The following PRH1 variants were observed in gnomAD, a reference collection of about 807,000 sequenced individuals.
The protein encoded by PRH1 is salivary acidic proline-rich phosphoprotein 1/2.
PRH1 carries 7 observed loss-of-function variants against 7.9 expected under a neutral mutation model. The ratio of observed to expected loss-of-function variants is 0.89; its 90% CI spans 0.50 to 1.67. The LOEUF is 1.67. Among genes scored for constraint, PRH1 ranks in the 40% most tolerant of loss-of-function variants. The pLI is 0.00. For synonymous variants in PRH1, 45 were observed against 80.8 expected (o/e 0.56, Z 2.38); for missense variants, 109 against 223.6 (o/e 0.49, Z 3.27).
chr12:11,135,027 C>T (rs577979566), intron 1 of PRH1, among the ~76,000 whole-genome samples: 1 of 152,224 alleles, frequency 6.6e-6, no homozygotes, highest in East Asian at 1.9e-4. Flanking sequence ...TATTTTCCCA[C>T]TCAAGGTTTT....
At chr12:11,140,355 T>C (rs917427162) in intron 1 of PRH1, among the ~76,000 whole-genome samples, 5 of 152,138 alleles carry the variant, frequency 3.3e-5, no homozygotes, top group African/African-American at 9.7e-5. Context: ...ATATCATTGC[T>C]GTTATTGAAA....
intron 2 of PRH1, among the ~76,000 whole-genome samples, chr12:10,910,280 G>T (rs185330612): frequency 1.3e-5 from 2 of 152,068 alleles, no homozygotes; most frequent in South Asian, 2.1e-4. Flanking sequence ...CACAGTAAAA[G>T]ATTACAAAAA....
intron 1 of PRH1, among the ~76,000 whole-genome samples, chr12:11,073,833 GA>G: frequency 6.6e-6 from 1 of 152,284 alleles, no homozygotes. Flanking sequence ...TAGGAGAGGA[GA>G]AAGCAAACCC....
At chr12:10,996,927 C>A in intron 1 of PRH1, 1 of 1,566,338 alleles carries the variant, frequency 6.4e-7, no homozygotes, top group Non-Finnish European at 8.7e-7. Context: ...AGAAAACACA[C>A]AATGCACCTC....
chr12:10,962,913 G>C (rs1317375461), intron 2 of PRH1, among the ~76,000 whole-genome samples: 1 of 152,154 alleles, frequency 6.6e-6, no homozygotes, highest in Non-Finnish European at 1.5e-5. Context: ...GGGACTACAG[G>C]CTCCCGCCAC....
intron 1 of PRH1, chr12:11,021,518 C>G: frequency 1.9e-6 from 1 of 514,218 alleles, no homozygotes; most frequent in Non-Finnish European, 3.3e-6. Context: ...TATGACTTTT[C>G]TAGGTATCTG....
At chr12:11,101,856 C>CA (rs1440581904) in intron 1 of PRH1, among the ~76,000 whole-genome samples, 4 of 152,222 alleles carry the variant, frequency 2.6e-5, no homozygotes, top group Non-Finnish European at 4.4e-5. Flanking sequence ...TCTCAGGATA[C>CA]AAAATCAATG....
chr12:11,007,096 G>A (rs1339567278), intron 1 of PRH1, among the ~76,000 whole-genome samples: 1 of 152,060 alleles, frequency 6.6e-6, no homozygotes, highest in Non-Finnish European at 1.5e-5. Flanking sequence ...TGTCTAAACT[G>A]TTAAAAGAGC....
intron 1 of PRH1, among the ~76,000 whole-genome samples, chr12:11,024,006 G>T (rs1941788099): frequency 6.6e-6 from 1 of 152,186 alleles, no homozygotes; most frequent in Non-Finnish European, 1.5e-5. Flanking sequence ...TCCAAGTTTT[G>T]TCATATGAAG....
chr12:10,929,845 T>C (rs1950177867), intron 2 of PRH1, among the ~76,000 whole-genome samples: 1 of 152,230 alleles, frequency 6.6e-6, no homozygotes, highest in African/African-American at 2.4e-5. Flanking sequence ...CTGCATGTAG[T>C]ATTTTAATGT....
intron 2 of PRH1, among the ~76,000 whole-genome samples, chr12:10,952,861 G>A (rs115825577): frequency 0.02 from 3,018 of 152,176 alleles, 34 homozygotes; most frequent in South Asian, 0.033. Flanking sequence ...ACAAGCTTGC[G>A]TTACACTGTC....
chr12:11,065,322 T>C (rs1200147884), intron 1 of PRH1, among the ~76,000 whole-genome samples: 2 of 152,122 alleles, frequency 1.3e-5, no homozygotes, highest in African/African-American at 2.4e-5. Context: ...TGTCTGAAGT[T>C]TGATGGTTTC....
chr12:11,053,208 TCA>T (rs1283955147), intron 1 of PRH1, among the ~76,000 whole-genome samples: 2,942 of 124,154 alleles, frequency 0.024, no homozygotes, highest in East Asian at 0.063. Flanking sequence ...CACAGATACA[TCA>T]TTGTATTCCA....
At chr12:10,882,092 C>G in intron 3 of PRH1, 125 bp downstream of exon 3, 1 of 1,520,772 alleles carries the variant, frequency 6.6e-7, no homozygotes, top group South Asian at 1.3e-5. Flanking sequence ...ATCTGAATAA[C>G]AATTTTTAGA....
intron 1 of PRH1, among the ~76,000 whole-genome samples, chr12:11,144,089 C>A (rs1946795338): frequency 6.6e-6 from 1 of 152,132 alleles, no homozygotes. Context: ...GTGGTGCTTT[C>A]CAGAAAGCAT....
chr12:11,171,407 C>G lies in PRH1; in HGVS notation n.39+15G>C. On this transcript the variant is annotated intron_variant and non_coding_transcript_variant, in intron 1 of 1. Transcript: ENST00000541175. ...CCTTGGCCGTCAGGGCCTCAAGCCCCGCCGCGACACCCACCTCGTACGGCG... is the reference window on the plus strand; with the variant it reads ...CCTTGGCCGTCAGGGCCTCAAGCCCGGCCGCGACACCCACCTCGTACGGCG... The G allele has an allele frequency of 3.2e-6, 4 of 1,232,052 alleles. No individual in the cohort carries two copies. The South Asian group carries it at 1.2e-4, about 38-fold the overall frequency. 76.3% of individuals were successfully genotyped at this position (1,232,052 alleles called of 1,614,324 possible). A position where few individuals can be genotyped will look rare whatever the true frequency, so the allele number is the denominator to read the frequency against.
intron 1 of PRH1, among the ~76,000 whole-genome samples, chr12:10,999,199 C>T (rs1940458433): frequency 2.0e-5 from 3 of 152,248 alleles, no homozygotes; most frequent in East Asian, 1.9e-4. Context: ...AGGTACTCTG[C>T]TAATCCAAGA....
chr12:10,951,511 T>G (rs979944712), intron 2 of PRH1, among the ~76,000 whole-genome samples: 1 of 152,170 alleles, frequency 6.6e-6, no homozygotes, highest in African/African-American at 2.4e-5. Flanking sequence ...TGAATGGGAA[T>G]AGTTTTTGTC....
intron 2 of PRH1, 128 bp from the exon 3 acceptor site, chr12:10,882,826 C>T (rs868644643): frequency 1.2e-5 from 17 of 1,471,864 alleles, no homozygotes; most frequent in Admixed American, 2.4e-5. Context: ...AACCTCCCCC[C>T]TTCCCAAGGC....
Sources: gnomAD v4.1 joint callset for allele counts (sites outside exome capture counted in the v4.1 genomes callset) on GRCh38, gnomAD v4.1.1 for gene constraint, MANE v1.5 for transcripts, NCBI Gene and HGNC (gene_info 2026-07-23, HGNC 2026-07-21) for gene names.